FAM186A: variants seen among roughly 807,000 people sequenced by gnomAD.
The protein encoded by FAM186A is family with sequence similarity 186 member A.
A neutral mutation model predicts 216.8 loss-of-function variants in FAM186A; 163 were observed. That is an observed-to-expected ratio of 0.75 (90% CI 0.66 to 0.86). The LOEUF is 0.86. Among genes scored for constraint, FAM186A ranks in the 40% least tolerant of loss-of-function variants. The pLI is 0.00. For missense variants in FAM186A, 2,184 were observed against 2,746.2 expected (o/e 0.80, Z 4.58); for synonymous variants, 805 against 1,025.3 (o/e 0.79, Z 4.10).
At chr12:50,388,619 CAA>C (rs1260633038) in intron 1 of FAM186A, among the ~76,000 whole-genome samples, 17 of 92,630 alleles carry the variant, frequency 1.8e-4, no homozygotes, top group Admixed American at 3.5e-4. Context: ...AACTCCGTCT[CAA>C]AAAAAAAAAA....
At chr12:50,343,654 C>T (rs867418830) in intron 4 of FAM186A, among the ~76,000 whole-genome samples, 15 of 150,444 alleles carry the variant, frequency 1.0e-4, no homozygotes, top group Admixed American at 9.3e-4. Context: ...AGTCTCGCTC[C>T]GTCACCCAGG....
Position 50,351,880 on chromosome 12 carries a change from A to T in FAM186A, c.4952T>A (p.Ile1651Asn), listed in dbSNP as rs1039918446. The change falls in exon 4 of 8, where the codon ATC (isoleucine) becomes AAC (asparagine). Residue 1651 changes from isoleucine to asparagine, a missense_variant. Coordinates refer to ENST00000327337, the MANE Select transcript of FAM186A (RefSeq NM_001145475.3). ...TGACACCCAGGCATTTACTGGGGTG[A>T]TGGGGACTCCCAGTGCCTGGGCCTG... ...PQQAQALGVP[I>N]TPVNAWVSAV... The T allele has an allele frequency of 1.9e-6, 3 of 1,546,230 alleles. No individual in the cohort carries two copies. The highest frequency in any genetic ancestry group is 2.7e-5 in the African/African-American group (2 of 72,970).
intron 1 of FAM186A, among the ~76,000 whole-genome samples, chr12:50,383,587 C>A (rs907918711): frequency 1.3e-5 from 2 of 152,036 alleles, no homozygotes; most frequent in African/African-American, 2.4e-5. Context: ...CAGAGTGAGA[C>A]TTTGTCTCAA....
chr12:50,357,046 A>G (rs981805139), intron 3 of FAM186A, among the ~76,000 whole-genome samples: 2 of 151,162 alleles, frequency 1.3e-5, no homozygotes, highest in Non-Finnish European at 3.0e-5. Context: ...ACATACATAC[A>G]TACATAAAAT....
At chr12:50,359,605 A>G (rs1285116349) in intron 3 of FAM186A, among the ~76,000 whole-genome samples, 2 of 152,170 alleles carry the variant, frequency 1.3e-5, no homozygotes, top group African/African-American at 4.8e-5. Flanking sequence ...AAATAATGGC[A>G]TTATTTATAA....
intron 1 of FAM186A, chr12:50,365,819 G>C: frequency 2.6e-6 from 2 of 759,030 alleles, no homozygotes; most frequent in Non-Finnish European, 4.8e-6. Flanking sequence ...ATGAAGTTCA[G>C]GTTGTATGAG....
At chr12:50,356,377 T>A in intron 3 of FAM186A, 129 bp from the exon 4 acceptor site, 1 of 697,886 alleles carries the variant, frequency 1.4e-6, no homozygotes, top group Non-Finnish European at 2.2e-6. Flanking sequence ...AAGATTAATC[T>A]GAAAACTTTA....
At chr12:50,395,355 T>C (rs1297544978) in intron 1 of FAM186A, among the ~76,000 whole-genome samples, 1 of 152,106 alleles carries the variant, frequency 6.6e-6, no homozygotes, top group Admixed American at 6.5e-5. Context: ...TCCCAAAGCA[T>C]TGGGATTACA....
intron 2 of FAM186A, among the ~76,000 whole-genome samples, chr12:50,361,568 CTTTTT>C (rs55919945): frequency 3.0e-5 from 4 of 133,294 alleles, no homozygotes; most frequent in Non-Finnish European, 6.3e-5. Flanking sequence ...ATCCAGTTGT[CTTTTT>C]TTTTTTTTTT....
At position 50,353,116 on chromosome 12, in the gene FAM186A, AATTGCT is replaced by A; in HGVS notation, c.3710_3715del (p.Gln1237_Gln1238del). 1.3e-6 allele frequency: 2 copies of A among 1,522,100 alleles called. No individual in the cohort carries two copies. Among genetic ancestry groups the A allele is most frequent in the Middle Eastern group, 1.7e-4 (1 of 5,862 alleles). 94.3% of individuals were successfully genotyped at this position (1,522,100 alleles called of 1,614,324 possible). ...CTGCTGAGGGGTGAGAGGGATCCCC[AATTGCT>A]GGGCCTGCTGAAGGGTTAGAGTGAT... On this transcript the variant is annotated inframe_deletion, in exon 4 of 8. Coordinates refer to ENST00000327337, the MANE Select transcript of FAM186A (RefSeq NM_001145475.3).
intron 7 of FAM186A, among the ~76,000 whole-genome samples, 151 bp from the exon 8 acceptor site, chr12:50,327,555 T>C (rs1404126430): frequency 1.3e-5 from 2 of 151,398 alleles, no homozygotes; most frequent in Non-Finnish European, 1.5e-5. Flanking sequence ...TTTTTTTTTT[T>C]TTTTGAGACA....
At chr12:50,370,062 T>G (rs1943128377) in intron 1 of FAM186A, among the ~76,000 whole-genome samples, 2 of 131,330 alleles carry the variant, frequency 1.5e-5, no homozygotes, top group Non-Finnish European at 3.1e-5. Flanking sequence ...AGGCGGAGCT[T>G]GCAGTGAGCA....
chr12:50,357,061 TA>T (rs1285432584), intron 3 of FAM186A, among the ~76,000 whole-genome samples: 1 of 152,034 alleles, frequency 6.6e-6, no homozygotes, highest in Non-Finnish European at 1.5e-5. Flanking sequence ...TAAAATAAAA[TA>T]AAAGATGTAA....
intron 7 of FAM186A, 108 bp downstream of exon 7, chr12:50,330,464 AT>A: frequency 9.0e-7 from 1 of 1,107,012 alleles, no homozygotes; most frequent in African/African-American, 1.6e-5. Flanking sequence ...CATACCAAAC[AT>A]TACTTTTGGT....
intron 3 of FAM186A, among the ~76,000 whole-genome samples, chr12:50,359,072 A>G (rs538031883): frequency 3.9e-5 from 6 of 152,060 alleles, no homozygotes; most frequent in South Asian, 2.1e-4. Context: ...TAAAACCACA[A>G]TGAGATACCA....
intron 1 of FAM186A, among the ~76,000 whole-genome samples, chr12:50,370,149 C>CAAAAAAAAAAAA (rs1196590077): frequency 1.5e-5 from 1 of 64,582 alleles, no homozygotes. Context: ...AAAAAAAAAG[C>CAAAAAAAAAAAA]AAAACTTAGC....
chr12:50,381,867 G>A (rs1193199369), intron 1 of FAM186A, among the ~76,000 whole-genome samples: 1 of 152,080 alleles, frequency 6.6e-6, no homozygotes, highest in Non-Finnish European at 1.5e-5. Flanking sequence ...GGCTGAGGTG[G>A]GAGAATCACC....
chr12:50,329,821 C>G (rs530080501), intron 7 of FAM186A, among the ~76,000 whole-genome samples: 13 of 152,246 alleles, frequency 8.5e-5, no homozygotes, highest in Non-Finnish European at 1.6e-4. Flanking sequence ...GTCTGAAACT[C>G]CTGACCTCAG....
Position 50,341,427 on chromosome 12 carries a change from G to A in FAM186A, c.6504-7324C>T, listed in dbSNP as rs535773980. On this transcript the variant is annotated intron_variant, in intron 4 of 7. Coordinates refer to ENST00000327337, the MANE Select transcript of FAM186A (RefSeq NM_001145475.3). ...TTTCTGAAAGAATGAATTGATCCTC[G>A]ATGGGATTAAGGTTATGATTGTATA... Among the ~76,000 whole-genome samples, 15 of 152,178 alleles carry A rather than the reference G, an allele frequency of 9.9e-5. No individual in the cohort carries two copies. The East Asian group carries it at 2.5e-3, about 25-fold the overall frequency.
Sources: allele counts gnomAD v4.1 joint callset (sites outside exome capture counted in the v4.1 genomes callset), GRCh38; gene constraint gnomAD v4.1.1; transcripts MANE v1.5; gene names NCBI Gene and HGNC (gene_info 2026-07-23, HGNC 2026-07-21).